The following RB1CC1 variants were observed in gnomAD, a reference collection of about 807,000 sequenced individuals.
RB1CC1 encodes RB1 inducible coiled-coil 1.
Under a neutral mutation model 177.5 loss-of-function variants are expected in RB1CC1, and 46 were observed. The ratio of observed to expected loss-of-function variants is 0.26; its 90% confidence interval spans 0.20 to 0.33. The LOEUF (loss-of-function observed/expected upper bound fraction) is 0.33, where lower values mean the gene tolerates loss of function less well. Ranked by LOEUF, RB1CC1 falls within the 10% of genes least tolerant of loss-of-function variation. RB1CC1 has a pLI of 1.00. For missense variants in RB1CC1, 1,703 were observed against 1,816.3 expected (o/e 0.94, Z 1.13); for synonymous variants, 666 against 613.6 (o/e 1.09, Z -1.26).
intron 1 of RB1CC1, among the ~76,000 whole-genome samples, chr8:52,712,932 T>C (rs1230033614): frequency 6.6e-6 from 1 of 152,248 alleles, no homozygotes; most frequent in Non-Finnish European, 1.5e-5. Flanking sequence ...AGTAGTTCCT[T>C]GGTTTCTCAC....
At chr8:52,673,220 A>G (rs1852768299) in intron 7 of RB1CC1, among the ~76,000 whole-genome samples, 2 of 152,332 alleles carry the variant, frequency 1.3e-5, no homozygotes, top group South Asian at 4.1e-4. Flanking sequence ...TTTCTGTAAC[A>G]ATGAAACATG....
chr8:52,686,797 ATTATT>A, intron 2 of RB1CC1, 51 bp downstream of exon 2: 1 of 348,906 alleles, frequency 2.9e-6, no homozygotes, highest in Non-Finnish European at 5.6e-6. Flanking sequence ...TTCCAGAATC[ATTATT>A]TTAAAGGCAA....
Position 52,657,783 on chromosome 8 carries a change from A to G in RB1CC1, c.2046T>C (p.Pro682=). The G allele has an allele frequency of 6.2e-7, 1 of 1,613,920 alleles. No homozygotes were observed. ...ATAATTCTTCTAAGGGACAAACTGC[A>G]GGACATAAGGGATCCTGAACAGTCA... ...PPLTVQDPLC[P]AVCPLEELSP... The change falls in exon 15 of 24, where the codon CCT becomes CCC. Residue 682 remains proline, a synonymous_variant. Transcript: ENST00000025008.
chr8:52,687,064 G>A, intron 1 of RB1CC1, 97 bp from the exon 2 acceptor site: 2 of 419,398 alleles, frequency 4.8e-6, no homozygotes, highest in South Asian at 1.7e-5. Flanking sequence ...TACCGTCTAA[G>A]AATAATCTCT....
rs11444516 is a variant in RB1CC1, at chr8:52,670,955, CA to C, written c.1003-2765del. 9.9e-3 allele frequency among the ~76,000 whole-genome samples: 1,271 copies of C among 127,972 alleles called. 21 individuals are homozygous for C. The highest frequency in any genetic ancestry group is 0.032 in the African/African-American group (1,107 of 35,062). The allele number at this position is 127,972 out of a possible 152,430, so 84.0% of individuals were successfully genotyped here. On this transcript the variant is annotated intron_variant, in intron 7 of 23. Transcript: ENST00000025008. ...TGGGTGACAGAGCGAGACTCCAACT[CA>C]AAAAAAAAAAAAGAGTCTTTTTAGC...
intron 7 of RB1CC1, among the ~76,000 whole-genome samples, chr8:52,671,513 A>T (rs1369547076): frequency 1.3e-5 from 2 of 152,228 alleles, no homozygotes; most frequent in Non-Finnish European, 2.9e-5. Flanking sequence ...ATCTTCAGAA[A>T]TGCCCCTAGT....
At chr8:52,661,391 G>T (rs1025307875) in intron 9 of RB1CC1, 110 bp from the exon 10 acceptor site, 3 of 1,472,890 alleles carry the variant, frequency 2.0e-6, no homozygotes, top group African/African-American at 1.4e-5. Flanking sequence ...AGATATATAA[G>T]CTCTACAAAA....
At chr8:52,640,207 T>G (rs1275240614) in intron 18 of RB1CC1, among the ~76,000 whole-genome samples, 1 of 152,128 alleles carries the variant, frequency 6.6e-6, no homozygotes, top group Non-Finnish European at 1.5e-5. Flanking sequence ...GTTTATCTCA[T>G]GGAGGCAGAG....
chr8:52,668,977 T>C lies in RB1CC1; in HGVS notation c.1003-786A>G, dbSNP rs147598671. Among the ~76,000 whole-genome samples, 956 of 152,322 alleles carry C rather than the reference T, an allele frequency of 6.3e-3. 11 individuals carry two copies. The highest frequency in any genetic ancestry group is 0.022 in the African/African-American group (928 of 41,576). On this transcript the variant is annotated intron_variant, in intron 7 of 23. Coordinates refer to ENST00000025008, the MANE Select transcript of RB1CC1 (RefSeq NM_014781.5). The stretch of plus-strand genomic sequence containing the variant: ...TTCTAAAACAGATGATTCAGAAGGA[T>C]TTTGTCCTTAGCCCATTTTTACTGT...
At chr8:52,651,325 C>CT (rs1355413203) in intron 15 of RB1CC1, among the ~76,000 whole-genome samples, 4 of 152,318 alleles carry the variant, frequency 2.6e-5, no homozygotes, top group Non-Finnish European at 5.9e-5. Flanking sequence ...ATCCAATCCG[C>CT]TTTTTTGCGG....
intron 15 of RB1CC1, among the ~76,000 whole-genome samples, chr8:52,655,140 G>A (rs1850965922): frequency 6.6e-6 from 1 of 151,888 alleles, no homozygotes; most frequent in Non-Finnish European, 1.5e-5. Context: ...ACCCTCTAAT[G>A]CCCCCTCCCC....
intron 15 of RB1CC1, among the ~76,000 whole-genome samples, chr8:52,646,998 A>G (rs1284187306): frequency 1.3e-5 from 2 of 152,160 alleles, no homozygotes; most frequent in African/African-American, 4.8e-5. Flanking sequence ...TTTTTAAATG[A>G]TATTTTAATG....
intron 5 of RB1CC1, among the ~76,000 whole-genome samples, chr8:52,678,486 G>A (rs963259523): frequency 1.3e-5 from 2 of 152,154 alleles, no homozygotes; most frequent in South Asian, 2.1e-4. Flanking sequence ...AGTTAGAAAT[G>A]TGAAACAACA....
Position 52,657,065 on chromosome 8 carries a change from CTTCTTT to C in RB1CC1, c.2758_2763del (p.Lys920_Glu921del). The stretch of plus-strand genomic sequence containing the variant: ...TTTTCATTCTGCAGGCAGATTACAG[CTTCTTT>C]TTCATGTTTAACCAAAGCAAATTCA... On this transcript the variant is annotated inframe_deletion, in exon 15 of 24. Transcript: ENST00000025008. The C allele has an allele frequency of 6.2e-7, 1 of 1,612,216 alleles. No homozygotes were observed. Among genetic ancestry groups the C allele is most frequent in the Non-Finnish European group, 8.5e-7 (1 of 1,179,632 alleles).
intron 1 of RB1CC1, among the ~76,000 whole-genome samples, chr8:52,687,197 T>C (rs550028527): frequency 6.6e-6 from 1 of 152,202 alleles, no homozygotes; most frequent in East Asian, 1.9e-4. Context: ...TCCACAACAA[T>C]TCCTCATTCC....
intron 5 of RB1CC1, among the ~76,000 whole-genome samples, chr8:52,681,626 T>C (rs1414495328): frequency 6.6e-6 from 1 of 152,166 alleles, no homozygotes. Flanking sequence ...GGTGGCTCAA[T>C]GTATTTTATA....
At chr8:52,668,553 C>T (rs991131025) in intron 7 of RB1CC1, among the ~76,000 whole-genome samples, 8 of 152,172 alleles carry the variant, frequency 5.3e-5, no homozygotes, top group African/African-American at 1.4e-4. Context: ...TAAACTTCTT[C>T]GGCAAATTTA....
intron 13 of RB1CC1, 105 bp from the exon 14 acceptor site, chr8:52,658,229 T>A (rs1563392435): frequency 8.1e-7 from 1 of 1,233,492 alleles, no homozygotes; most frequent in Non-Finnish European, 1.1e-6. Flanking sequence ...GCCTTATCAT[T>A]CCTTTTTAAA....
intron 5 of RB1CC1, among the ~76,000 whole-genome samples, chr8:52,682,411 A>T (rs1461471254): frequency 6.6e-6 from 1 of 152,156 alleles, no homozygotes; most frequent in East Asian, 1.9e-4. Context: ...AAACAGACTG[A>T]TATAGAATGC....
Sources: allele counts gnomAD v4.1 joint callset (sites outside exome capture counted in the v4.1 genomes callset), GRCh38; gene constraint gnomAD v4.1.1; transcripts MANE v1.5; gene names NCBI Gene and HGNC (gene_info 2026-07-23, HGNC 2026-07-21).